Variants in PARD3 observed in about 807,000 individuals in gnomAD.
PARD3 encodes partitioning defective 3 homolog.
A neutral mutation model predicts 155.4 loss-of-function variants in PARD3; 75 were observed. The ratio of observed to expected loss-of-function variants is 0.48; its 90% CI spans 0.40 to 0.58. The LOEUF is 0.58. Ranked by LOEUF, PARD3 falls within the 20% of genes least tolerant of loss-of-function variation. The probability of loss-of-function intolerance (pLI) is 0.00; values close to 1 mark genes in which losing one functional copy is unlikely to be tolerated. For synonymous variants in PARD3, 576 were observed against 610.5 expected, an observed-to-expected ratio of 0.94 and a Z score of 0.83; for missense variants, 1,642 against 1,721.7, an observed-to-expected ratio of 0.95 and a Z score of 0.82.
At chr10:34,545,715 C>T (rs900827876) in intron 2 of PARD3, among the ~76,000 whole-genome samples, 3 of 152,078 alleles carry the variant, frequency 2.0e-5, no homozygotes, top group South Asian at 2.1e-4. Flanking sequence ...CCACGACGCC[C>T]GGCTAATTTT....
At chr10:34,388,697 T>C (rs1842587679) in intron 7 of PARD3, among the ~76,000 whole-genome samples, 1 of 152,226 alleles carries the variant, frequency 6.6e-6, no homozygotes. Flanking sequence ...AGTGTGCTGG[T>C]AGAGAGAACA....
At chr10:34,442,720 A>T (rs990322038) in intron 5 of PARD3, among the ~76,000 whole-genome samples, 1 of 152,216 alleles carries the variant, frequency 6.6e-6, no homozygotes, top group African/African-American at 2.4e-5. Flanking sequence ...AAATTTTTTT[A>T]ATTAGCCAGG....
intron 4 of PARD3, among the ~76,000 whole-genome samples, chr10:34,458,114 T>C (rs1193340095): frequency 6.6e-6 from 1 of 152,270 alleles, no homozygotes; most frequent in South Asian, 2.1e-4. Flanking sequence ...AGAAATACTA[T>C]ACAGTGTTAC....
intron 2 of PARD3, among the ~76,000 whole-genome samples, chr10:34,650,134 A>G (rs2092961309): frequency 6.6e-6 from 1 of 152,210 alleles, no homozygotes; most frequent in Non-Finnish European, 1.5e-5. Context: ...TCTCTAAAAT[A>G]ACAATAAAAA....
intron 22 of PARD3, among the ~76,000 whole-genome samples, chr10:34,222,859 T>C (rs1380390011): frequency 1.3e-5 from 2 of 152,222 alleles, no homozygotes; most frequent in Non-Finnish European, 2.9e-5. Flanking sequence ...TTTGCTAGCT[T>C]TGACCACACT....
At chr10:34,467,037 G>A (rs1183496373) in intron 4 of PARD3, among the ~76,000 whole-genome samples, 1 of 151,924 alleles carries the variant, frequency 6.6e-6, no homozygotes, top group Non-Finnish European at 1.5e-5. Context: ...TGGGCATCTG[G>A]TTACATTAAA....
chr10:34,235,308 G>A (rs1007505543), intron 22 of PARD3, among the ~76,000 whole-genome samples: 5 of 152,266 alleles, frequency 3.3e-5, no homozygotes, highest in East Asian at 3.9e-4. Flanking sequence ...CTGAAGCATC[G>A]GAGAGATTTG....
rs1242884512 is a variant in PARD3 at position 34,450,466 on chromosome 10, A to G, written c.583-18T>C. 6.3e-7 allele frequency: 1 copy of G among 1,598,516 alleles called. No homozygotes were observed. Among genetic ancestry groups the G allele is most frequent in the Non-Finnish European group, 8.5e-7 (1 of 1,175,828 alleles). ...TCATCTTTCTATTCAAAAAGAAACAAAAAGGTGTCTTGTAAAAAACCAGAC... is the reference window on the plus strand; with the variant it reads ...TCATCTTTCTATTCAAAAAGAAACAGAAAGGTGTCTTGTAAAAAACCAGAC... On this transcript the variant is annotated intron_variant, in intron 4 of 24. Transcript: ENST00000374788.
intron 10 of PARD3, among the ~76,000 whole-genome samples, chr10:34,375,561 T>G (rs1200142556): frequency 1.3e-5 from 2 of 152,104 alleles, no homozygotes; most frequent in Admixed American, 6.6e-5. Context: ...GAAGCAATAT[T>G]TCAGCTGAAA....
At position 34,195,842 on chromosome 10, in the gene PARD3, T is replaced by C. The variant is rs147075227; in HGVS notation, c.3420-64259A>G. On this transcript the variant is annotated intron_variant, in intron 22 of 24. Transcript: ENST00000374788. ...TGAAAATCTTGCCACTCGCTAGCTATGAAAATGAGGCCAAGCTCCTTAACC... is the reference window on the plus strand; with the variant it reads ...TGAAAATCTTGCCACTCGCTAGCTACGAAAATGAGGCCAAGCTCCTTAACC... Among the ~76,000 whole-genome samples the C allele has an allele frequency of 9.8e-5, 15 of 152,288 alleles. No homozygotes were observed. The East Asian group carries it at 2.7e-3, about 27-fold the overall frequency.
chr10:34,262,511 C>G (rs1262673312), intron 22 of PARD3, among the ~76,000 whole-genome samples: 1 of 152,138 alleles, frequency 6.6e-6, no homozygotes, highest in African/African-American at 2.4e-5. Flanking sequence ...AGTGATCCTC[C>G]CATCTCTGCT....
chr10:34,801,244 A>G (rs563758151), intron 1 of PARD3, among the ~76,000 whole-genome samples: 4 of 152,318 alleles, frequency 2.6e-5, no homozygotes, highest in South Asian at 4.1e-4. Flanking sequence ...ACACACTCAC[A>G]TGAAAAAATG....
chr10:34,371,516 AAAAAAAAAAAAAAAAACAACG>A (rs1840635700), intron 12 of PARD3, among the ~76,000 whole-genome samples: 1 of 88,490 alleles, frequency 1.1e-5, no homozygotes, highest in Non-Finnish European at 2.0e-5. Context: ...AAAAAAAAAA[AAAAAAAAAAAAAAAAACAACG>A]AAGGAATATT....
chr10:34,696,921 G>GA (rs2094182630), intron 1 of PARD3, among the ~76,000 whole-genome samples: 1 of 151,822 alleles, frequency 6.6e-6, no homozygotes, highest in South Asian at 2.1e-4. Context: ...TAGGGACACA[G>GA]AAGGATGCTG....
chr10:34,165,220 G>A (rs1949472875), intron 22 of PARD3, among the ~76,000 whole-genome samples: 1 of 152,150 alleles, frequency 6.6e-6, no homozygotes, highest in Non-Finnish European at 1.5e-5. Context: ...GTCTCACCCA[G>A]TTTTCTCTTT....
intron 1 of PARD3, among the ~76,000 whole-genome samples, chr10:34,745,527 T>G (rs1835199896): frequency 6.6e-6 from 1 of 152,000 alleles, no homozygotes; most frequent in South Asian, 2.1e-4. Flanking sequence ...GGGTGTCGAC[T>G]GTTGGAGGAA....
At chr10:34,402,814 G>T (rs374469032) in intron 5 of PARD3, among the ~76,000 whole-genome samples, 6 of 152,114 alleles carry the variant, frequency 3.9e-5, no homozygotes, top group Non-Finnish European at 5.9e-5. Flanking sequence ...ATTCAAAAAG[G>T]TGCATGTGGA....
intron 2 of PARD3, among the ~76,000 whole-genome samples, chr10:34,573,373 T>G (rs2086591345): frequency 6.6e-6 from 1 of 151,362 alleles, no homozygotes; most frequent in African/African-American, 2.4e-5. Flanking sequence ...TAGGTAAGAA[T>G]TTCAAGAATG....
chr10:34,608,942 A>T (rs2132597811), intron 2 of PARD3, among the ~76,000 whole-genome samples: 1 of 152,312 alleles, frequency 6.6e-6, no homozygotes, highest in East Asian at 1.9e-4. Context: ...GGAGAGTAGA[A>T]ATAGGTGATA....
Sources: gnomAD v4.1 joint callset for allele counts (sites outside exome capture counted in the v4.1 genomes callset) on GRCh38, gnomAD v4.1.1 for gene constraint, MANE v1.5 for transcripts, NCBI Gene and HGNC (gene_info 2026-07-23, HGNC 2026-07-21) for gene names.